Variants in MDGA1 observed in about 807,000 individuals in gnomAD.
MDGA1 encodes the protein MAM domain containing glycosylphosphatidylinositol anchor 1, also known as MAM domain-containing glycosylphosphatidylinositol anchor protein 1.
Under a neutral mutation model 101.5 loss-of-function variants are expected in MDGA1, and 54 were observed. The ratio of observed to expected loss-of-function variants is 0.53; its 90% confidence interval spans 0.43 to 0.67. The LOEUF is 0.67. Among genes scored for constraint, MDGA1 ranks in the 30% least tolerant of loss-of-function variants. MDGA1 has a pLI of 0.00. For synonymous variants in MDGA1, 533 were observed against 558.3 expected, an observed-to-expected ratio of 0.95 and a Z score of 0.64; for missense variants, 1,083 against 1,323.8, an observed-to-expected ratio of 0.82 and a Z score of 2.82.
Position 37,638,127 on chromosome 6 carries a change from C to T in MDGA1, c.2776+78G>A. 1 of 1,198,112 alleles carries T rather than the reference C, an allele frequency of 8.3e-7. No individual in the cohort carries two copies. The highest frequency in any genetic ancestry group is 1.2e-6 in the Non-Finnish European group (1 of 812,984). 74.2% of individuals were successfully genotyped at this position (1,198,112 alleles called of 1,614,324 possible). On this transcript the variant is annotated intron_variant, in intron 16 of 16. Transcript: ENST00000434837. This position sits in a 1 kb window ranked among gnomAD's most constrained non-coding sequence, Gnocchi z 4.8. ...GAACCCCTATTCAGACCCAAACACC[C>T]TCCCTCAACAGACAGGAACCCCCGC...
At chr6:37,675,991 CCTAA>C (rs1487643950) in intron 1 of MDGA1, among the ~76,000 whole-genome samples, 1 of 152,186 alleles carries the variant, frequency 6.6e-6, no homozygotes, top group African/African-American at 2.4e-5. Context: ...GCCTCAGCTT[CCTAA>C]CTAGAGAATG....
At chr6:37,677,502 G>A (rs566480657) in intron 1 of MDGA1, among the ~76,000 whole-genome samples, 17 of 152,258 alleles carry the variant, frequency 1.1e-4, no homozygotes, top group Admixed American at 4.6e-4. Context: ...GGTGTCCTGC[G>A]GCCATTAAAG....
chr6:37,695,146 G>A (rs765576854), intron 1 of MDGA1, among the ~76,000 whole-genome samples: 40 of 152,178 alleles, frequency 2.6e-4, no homozygotes, highest in Non-Finnish European at 5.1e-4. Flanking sequence ...AGGGAAGGAG[G>A]GTAGAGTGGA....
chr6:37,645,694 G>A (rs1561841753), intron 12 of MDGA1, among the ~76,000 whole-genome samples: 1 of 151,156 alleles, frequency 6.6e-6, no homozygotes, highest in Admixed American at 6.6e-5. Flanking sequence ...TTTTGCTTTT[G>A]GGACAGTAAG....
At chr6:37,684,565 G>A (rs1762159344) in intron 1 of MDGA1, among the ~76,000 whole-genome samples, 1 of 152,240 alleles carries the variant, frequency 6.6e-6, no homozygotes. Flanking sequence ...CCTTTGACAT[G>A]GCTTTTAACT....
At chr6:37,650,012 G>A in intron 8 of MDGA1, 97 bp downstream of exon 8, 1 of 1,478,062 alleles carries the variant, frequency 6.8e-7, no homozygotes, top group Non-Finnish European at 9.3e-7. Context: ...GTGGGGTTTG[G>A]TTGGACTGGG....
intron 13 of MDGA1, 55 bp downstream of exon 13, chr6:37,644,442 C>A: frequency 6.8e-7 from 1 of 1,468,770 alleles, no homozygotes; most frequent in Non-Finnish European, 9.0e-7. Flanking sequence ...GTGCCCTGGG[C>A]CTAGACACCC....
Position 37,650,342 on chromosome 6 carries a change from G to A in MDGA1, c.1376C>T (p.Ala459Val). The part of the protein sequence containing the change: ...AVVTVREGSP[A>V]ELQCEVRGKP... ...GCCCCGCACCTCGCATTGCAGCTCG[G>A]CAGGCGATCCCTCGCGCACGGTCAC... Residue 459 changes from alanine to valine, a missense_variant, in exon 8 of 17, where the codon GCC becomes GTC. Ala to Val is a moderately conservative substitution (Grantham distance 64). Coordinates refer to ENST00000434837, the MANE Select transcript of MDGA1 (RefSeq NM_153487.4). 1 of 1,581,592 alleles carries A rather than the reference G, an allele frequency of 6.3e-7. No individual in the cohort carries two copies. The highest frequency in any genetic ancestry group is 8.6e-7 in the Non-Finnish European group (1 of 1,166,114).
chr6:37,652,737 A>G lies in MDGA1; in HGVS notation c.983-397T>C, dbSNP rs1189030202. ...AGTAACTTGCCCAAAAAAGTAGCCAATCTTGAATTCAAACTCAGAGTCTGA... is the reference window on the plus strand; with the variant it reads ...AGTAACTTGCCCAAAAAAGTAGCCAGTCTTGAATTCAAACTCAGAGTCTGA... On this transcript the variant is annotated intron_variant, in intron 6 of 16. Transcript: ENST00000434837. The surrounding 1 kb of genome is among the most constrained non-coding windows in gnomAD (Gnocchi z 4.3). Among the ~76,000 whole-genome samples, 1 of 152,222 alleles carries G rather than the reference A, an allele frequency of 6.6e-6. No homozygotes were observed. Among genetic ancestry groups the G allele is most frequent in the Non-Finnish European group, 1.5e-5 (1 of 68,038 alleles).
rs6901329 is a variant in MDGA1 at position 37,647,209 on chromosome 6, G to A, written c.2010C>T (p.Val670=). The A allele has an allele frequency of 9.1e-5, 145 of 1,596,776 alleles. No homozygotes were observed. The African/African-American group carries it at 1.7e-3, about 18-fold the overall frequency. Residue 670 remains valine, a synonymous_variant, in exon 10 of 17, where the codon GTC becomes GTT. Transcript: ENST00000434837. ...LQWTQREPDA[V]DPVLNYRLSI... ...TGAGTCTGTAGTTGAGCACAGGGTC[G>A]ACAGCGTCGGGCTCCCTCTGAGTCC...
chr6:37,657,335 AACGAATGTTCC>A (rs1157423994), intron 3 of MDGA1, among the ~76,000 whole-genome samples: 1 of 152,160 alleles, frequency 6.6e-6, no homozygotes, highest in Non-Finnish European at 1.5e-5. Flanking sequence ...AACATCTTGC[AACGAATGTTCC>A]AGCAGCCCAT....
Position 37,655,894 on chromosome 6 carries a change from G to A in MDGA1, c.385C>T (p.Leu129=). 6.2e-7 allele frequency: 1 copy of A among 1,611,102 alleles called. No homozygotes were observed. The highest frequency in any genetic ancestry group is 1.3e-5 in the African/African-American group (1 of 75,012). The change falls in exon 4 of 17, where the codon CTG becomes TTG. Residue 129 remains leucine, a splice_region_variant and synonymous_variant. Coordinates refer to ENST00000434837, the MANE Select transcript of MDGA1 (RefSeq NM_153487.4). This position sits in a 1 kb window ranked among gnomAD's most constrained non-coding sequence, Gnocchi z 5.1. ...TGCACCGTCAGCATTGGCTCATCCA[G>A]GTCTGCAAGGGCACAGCCCCCATGG... is the stretch of plus-strand genomic sequence containing the variant. The part of the protein sequence containing the change: ...IKSIRVDVQY[L]DEPMLTVHQT...
intron 3 of MDGA1, among the ~76,000 whole-genome samples, chr6:37,657,123 T>G (rs1761507586): frequency 6.6e-6 from 1 of 151,904 alleles, no homozygotes; most frequent in Non-Finnish European, 1.5e-5. Flanking sequence ...ACCTTTGCAC[T>G]TAAGATTAGT....
chr6:37,687,428 G>GCCTCACTA (rs1331024667), intron 1 of MDGA1, among the ~76,000 whole-genome samples: 8 of 151,180 alleles, frequency 5.3e-5, no homozygotes, highest in African/African-American at 1.9e-4. Context: ...AGTTAGCCGG[G>GCCTCACTA]CATGGTGGTG....
chr6:37,654,701 A>C, intron 5 of MDGA1, 99 bp downstream of exon 5: 1 of 1,546,558 alleles, frequency 6.5e-7, no homozygotes, highest in Middle Eastern at 1.7e-4. Flanking sequence ...GCCAGACATT[A>C]GTGGCAGTGT....
chr6:37,668,178 G>T (rs1761795682), intron 1 of MDGA1, among the ~76,000 whole-genome samples: 1 of 149,878 alleles, frequency 6.7e-6, no homozygotes, highest in Admixed American at 6.7e-5. Flanking sequence ...TTGAGCCCAA[G>T]AATTCAAGGC....
chr6:37,658,700 G>A (rs1421835969), intron 2 of MDGA1, among the ~76,000 whole-genome samples: 1 of 152,192 alleles, frequency 6.6e-6, no homozygotes, highest in East Asian at 1.9e-4. Flanking sequence ...GGCCGGGCAC[G>A]GTGGCTCACG....
intron 1 of MDGA1, among the ~76,000 whole-genome samples, chr6:37,695,827 T>C (rs908455208): frequency 6.6e-6 from 1 of 152,242 alleles, no homozygotes; most frequent in African/African-American, 2.4e-5. Flanking sequence ...TAAGGGCCAC[T>C]GGGCCCCTGA....
intron 1 of MDGA1, among the ~76,000 whole-genome samples, chr6:37,671,126 C>T (rs1761860407): frequency 6.6e-6 from 1 of 152,224 alleles, no homozygotes; most frequent in Non-Finnish European, 1.5e-5. Context: ...AAAACAGCCT[C>T]TGCCAACCTG....
Sources: allele counts gnomAD v4.1 joint callset (sites outside exome capture counted in the v4.1 genomes callset), GRCh38; gene constraint gnomAD v4.1.1; non-coding constraint Gnocchi (gnomAD v3.1); transcripts MANE v1.5; gene names NCBI Gene and HGNC (gene_info 2026-07-23, HGNC 2026-07-21).